Variants in HDAC9 observed in about 807,000 individuals in gnomAD.
HDAC9 encodes histone deacetylase 9.
In HDAC9, 41 loss-of-function variants were observed where a neutral mutation model predicts 139.4. That is an observed-to-expected ratio of 0.29 (90% CI 0.23 to 0.38). HDAC9 has a LOEUF of 0.38. Among genes scored for constraint, HDAC9 ranks in the 10% least tolerant of loss-of-function variants. The pLI is 1.00. For synonymous variants in HDAC9, 517 were observed against 476.2 expected, an observed-to-expected ratio of 1.09 and a Z score of -1.12; for missense variants, 1,147 against 1,297.0, an observed-to-expected ratio of 0.88 and a Z score of 1.78.
chr7:18,554,004 C>A (rs956825315), intron 2 of HDAC9, among the ~76,000 whole-genome samples: 1 of 152,090 alleles, frequency 6.6e-6, no homozygotes, highest in East Asian at 1.9e-4. Context: ...TGGAAATGTT[C>A]CACACATTGT....
chr7:18,767,043 C>A, intron 15 of HDAC9, 63 bp from the exon 16 acceptor site: 3 of 764,312 alleles, frequency 3.9e-6, no homozygotes, highest in South Asian at 2.2e-5. Context: ...TAATAAATGC[C>A]AACATTTTAA....
intron 1 of HDAC9, among the ~76,000 whole-genome samples, chr7:18,411,917 C>T (rs1195676756): frequency 6.6e-6 from 1 of 150,974 alleles, no homozygotes; most frequent in Non-Finnish European, 1.5e-5. Flanking sequence ...CCTCCACCTC[C>T]CGGGTTCAGG....
chr7:18,160,904 A>G (rs934963186), intron 1 of HDAC9, among the ~76,000 whole-genome samples: 2 of 152,110 alleles, frequency 1.3e-5, no homozygotes, highest in African/African-American at 4.8e-5. Flanking sequence ...ATTATAGTAA[A>G]TATCACATTG....
chr7:18,862,639 A>G (rs76266265), intron 21 of HDAC9, among the ~76,000 whole-genome samples: 4,124 of 152,260 alleles, frequency 0.027, 80 homozygotes, highest in Admixed American at 0.047. Context: ...CAGTGTTCCA[A>G]TGCTCATCAG....
chr7:18,528,942 A>G (rs983064654), intron 2 of HDAC9, among the ~76,000 whole-genome samples: 2 of 152,114 alleles, frequency 1.3e-5, no homozygotes, highest in South Asian at 2.1e-4. Context: ...TAAAATGGCT[A>G]TTTTAGCCAT....
At position 19,001,937 on chromosome 7, in the gene HDAC9, A is replaced by G. The variant is rs571046848; in HGVS notation, c.*5875A>G. ...ACCAGGCTTGTTGATATGTATGCCA[A>G]TAGCCTAGAATTTTTGGCTTAGTGT... On this transcript the variant is annotated 3_prime_UTR_variant, in exon 26 of 26. Transcript: ENST00000686413. 5 of 152,248 alleles carry G rather than the reference A, an allele frequency of 3.3e-5. No individual in the cohort carries two copies. The highest frequency in any genetic ancestry group is 7.2e-5 in the African/African-American group (3 of 41,586). 9.4% of individuals were successfully genotyped at this position (152,248 alleles called of 1,614,324 possible). A position where few individuals can be genotyped will look rare whatever the true frequency, so the allele number is the denominator to read the frequency against.
chr7:18,644,277 C>T (rs1157789649), intron 8 of HDAC9, among the ~76,000 whole-genome samples: 1 of 151,980 alleles, frequency 6.6e-6, no homozygotes, highest in Non-Finnish European at 1.5e-5. Context: ...AATGAAGAAT[C>T]AGGTGAAGAT....
At chr7:18,195,298 T>C (rs1212099256) in intron 2 of HDAC9, among the ~76,000 whole-genome samples, 1 of 152,142 alleles carries the variant, frequency 6.6e-6, no homozygotes, top group Non-Finnish European at 1.5e-5. Flanking sequence ...TTTAAAAAGG[T>C]AGTATGATTT....
chr7:18,251,238 C>G (rs991084546), intron 2 of HDAC9, among the ~76,000 whole-genome samples: 6 of 152,092 alleles, frequency 3.9e-5, no homozygotes, highest in African/African-American at 1.4e-4. Flanking sequence ...CCATTATTCT[C>G]AGCAAACTAA....
At chr7:18,239,269 A>G (rs1158637723) in intron 2 of HDAC9, among the ~76,000 whole-genome samples, 1 of 152,220 alleles carries the variant, frequency 6.6e-6, no homozygotes, top group Non-Finnish European at 1.5e-5. Flanking sequence ...TAGAAATAGA[A>G]GGAAACCCAT....
At chr7:18,587,057 TTAAG>T (rs1316576967) in intron 3 of HDAC9, among the ~76,000 whole-genome samples, 6 of 152,108 alleles carry the variant, frequency 3.9e-5, no homozygotes, top group African/African-American at 1.4e-4. Context: ...TTTTGCTGCT[TTAAG>T]TGAGACATGT....
chr7:18,619,600 G>C (rs1839659751), intron 6 of HDAC9, among the ~76,000 whole-genome samples: 2 of 152,212 alleles, frequency 1.3e-5, no homozygotes, highest in African/African-American at 4.8e-5. Flanking sequence ...CTGTGTCTAT[G>C]GGGGCTTATT....
At chr7:18,764,547 G>A (rs1789659902) in intron 15 of HDAC9, among the ~76,000 whole-genome samples, 1 of 152,030 alleles carries the variant, frequency 6.6e-6, no homozygotes, top group Non-Finnish European at 1.5e-5. Context: ...GAATAATTCT[G>A]TTCTTTTTAA....
intron 2 of HDAC9, among the ~76,000 whole-genome samples, chr7:18,217,712 T>G (rs1036285934): frequency 3.3e-5 from 5 of 152,246 alleles, no homozygotes; most frequent in Non-Finnish European, 5.9e-5. Context: ...TGTTTTAAAA[T>G]GGCAGTTTAT....
intron 13 of HDAC9, among the ~76,000 whole-genome samples, chr7:18,739,148 G>A (rs182201284): frequency 2.8e-4 from 43 of 152,262 alleles, no homozygotes; most frequent in Non-Finnish European, 1.5e-5. Context: ...GTTTATTCTA[G>A]TTAGCCATTC....
At chr7:18,671,046 A>G (rs1467134402) in intron 12 of HDAC9, among the ~76,000 whole-genome samples, 1 of 151,926 alleles carries the variant, frequency 6.6e-6, no homozygotes, top group Non-Finnish European at 1.5e-5. Flanking sequence ...GGGAAGGAGA[A>G]AGGATTTCAG....
chr7:18,979,298 T>C, intron 25 of HDAC9, among the ~76,000 whole-genome samples: 1 of 152,232 alleles, frequency 6.6e-6, no homozygotes, highest in East Asian at 1.9e-4. Context: ...AAAACCCCAT[T>C]TTCCTGAATC....
intron 2 of HDAC9, among the ~76,000 whole-genome samples, chr7:18,576,439 A>T (rs1248066849): frequency 6.6e-6 from 1 of 152,124 alleles, no homozygotes; most frequent in Admixed American, 6.5e-5. Flanking sequence ...AGGTGGGAGG[A>T]TCACTTGAGG....
At chr7:18,142,728 AGG>A (rs756404341) in intron 1 of HDAC9, among the ~76,000 whole-genome samples, 1 of 152,216 alleles carries the variant, frequency 6.6e-6, no homozygotes, top group African/African-American at 2.4e-5. Flanking sequence ...GGTGGCCCAT[AGG>A]GCTGCAGACT....
Sources: gnomAD v4.1 joint callset for allele counts (sites outside exome capture counted in the v4.1 genomes callset) on GRCh38, gnomAD v4.1.1 for gene constraint, MANE v1.5 for transcripts, NCBI Gene and HGNC (gene_info 2026-07-23, HGNC 2026-07-21) for gene names.